The following MPDZ variants were observed in gnomAD, a reference collection of about 807,000 sequenced individuals.
MPDZ encodes the protein multiple PDZ domain crumbs cell polarity complex component.
Under a neutral mutation model 239.1 loss-of-function variants are expected in MPDZ, and 234 were observed. That is an observed-to-expected ratio of 0.98 (90% CI 0.88 to 1.09). The LOEUF (loss-of-function observed/expected upper bound fraction) is 1.09. MPDZ is among the 50% of genes least tolerant of loss of function. The pLI is 0.00. For synonymous variants in MPDZ, 1,048 were observed against 881.3 expected, an observed-to-expected ratio of 1.19 and a Z score of -3.35; for missense variants, 3,175 against 2,510.0, an observed-to-expected ratio of 1.26 and a Z score of -5.66.
chr9:13,214,295 A>G (rs1958006040), intron 10 of MPDZ, among the ~76,000 whole-genome samples: 1 of 152,050 alleles, frequency 6.6e-6, no homozygotes, highest in Non-Finnish European at 1.5e-5. Flanking sequence ...TGAAAGCATT[A>G]TGCTAAGTGA....
chr9:13,118,989 C>G (rs915300397), intron 39 of MPDZ, among the ~76,000 whole-genome samples: 1 of 152,168 alleles, frequency 6.6e-6, no homozygotes, highest in African/African-American at 2.4e-5. Context: ...AGATCTGCTT[C>G]TGATTTTAAA....
At chr9:13,260,101 CAAAG>C (rs796352270) in intron 1 of MPDZ, among the ~76,000 whole-genome samples, 2 of 152,066 alleles carry the variant, frequency 1.3e-5, no homozygotes, top group South Asian at 4.2e-4. Flanking sequence ...CTAGGCCTCC[CAAAG>C]AGCTGGGATT....
intron 32 of MPDZ, among the ~76,000 whole-genome samples, chr9:13,132,967 G>A (rs1946228983): frequency 2.6e-5 from 4 of 151,982 alleles, no homozygotes; most frequent in Admixed American, 2.6e-4. Context: ...AGCCTTAGAT[G>A]ATACATTAAA....
intron 11 of MPDZ, 86 bp from the exon 12 acceptor site, chr9:13,205,193 TC>T: frequency 1.5e-6 from 1 of 654,376 alleles, no homozygotes; most frequent in South Asian, 2.7e-5. Context: ...TTATTTGAAC[TC>T]CTACATGAGA....
intron 35 of MPDZ, 147 bp downstream of exon 35, chr9:13,125,069 T>C (rs894231896): frequency 1.6e-6 from 1 of 609,446 alleles, no homozygotes. Context: ...AAGTCCTCTC[T>C]TTATATCCTG....
chr9:13,159,767 C>A (rs113049257), intron 23 of MPDZ, among the ~76,000 whole-genome samples: 1 of 152,106 alleles, frequency 6.6e-6, no homozygotes, highest in Non-Finnish European at 1.5e-5. Context: ...GGACCCCAGT[C>A]TCTTCAGATG....
intron 1 of MPDZ, among the ~76,000 whole-genome samples, chr9:13,272,914 C>T (rs1973331709): frequency 6.6e-6 from 1 of 151,940 alleles, no homozygotes. Flanking sequence ...TGTTTATATT[C>T]CCCCCAAATT....
chr9:13,276,415 C>T (rs1974208522), intron 1 of MPDZ, among the ~76,000 whole-genome samples: 1 of 152,164 alleles, frequency 6.6e-6, no homozygotes, highest in Admixed American at 6.5e-5. Context: ...CTCTCCTATG[C>T]ATGACACTAA....
At chr9:13,253,102 G>A (rs966193275) in intron 1 of MPDZ, among the ~76,000 whole-genome samples, 6 of 152,100 alleles carry the variant, frequency 3.9e-5, no homozygotes, top group African/African-American at 1.2e-4. Flanking sequence ...TGAGAAGTCT[G>A]CAGAGAAAGT....
At chr9:13,121,657 T>A in intron 38 of MPDZ, 82 bp downstream of exon 38, 1 of 1,430,892 alleles carries the variant, frequency 7.0e-7, no homozygotes, top group Non-Finnish European at 9.8e-7. Flanking sequence ...GATAAAAGAT[T>A]CACCTACTGC....
intron 22 of MPDZ, among the ~76,000 whole-genome samples, chr9:13,167,106 C>G (rs1287900764): frequency 1.3e-5 from 2 of 152,084 alleles, no homozygotes; most frequent in Non-Finnish European, 2.9e-5. Flanking sequence ...TACATCTAAT[C>G]CACATAAACT....
At chr9:13,136,329 T>TTTTTTTTTTTTTTTTTTTTTG (rs1946771579) in intron 30 of MPDZ, 147 bp from the exon 31 acceptor site, 1 of 382,622 alleles carries the variant, frequency 2.6e-6, no homozygotes. Context: ...CGTTTTCTTT[T>TTTTTTTTTTTTTTTTTTTTTG]TTTTTTTTTT....
chr9:13,225,600 C>T (rs917687328), intron 3 of MPDZ, among the ~76,000 whole-genome samples: 1 of 151,880 alleles, frequency 6.6e-6, no homozygotes, highest in African/African-American at 2.4e-5. Flanking sequence ...TTTTACTGTA[C>T]CTTTTCTATA....
At chr9:13,277,647 C>A (rs1422257954) in intron 1 of MPDZ, among the ~76,000 whole-genome samples, 4 of 152,260 alleles carry the variant, frequency 2.6e-5, no homozygotes, top group Admixed American at 1.3e-4. Context: ...TCAATGCAAC[C>A]GCTGCCTCCC....
chr9:13,119,722 C>T (rs527559810), intron 38 of MPDZ, 73 bp from the exon 39 acceptor site: 53 of 1,573,834 alleles, frequency 3.4e-5, no homozygotes, highest in African/African-American at 5.4e-5. Context: ...TAAAAAGTTA[C>T]GTTTTTACCC....
chr9:13,118,795 C>T (rs1344539401), intron 39 of MPDZ, among the ~76,000 whole-genome samples: 1 of 152,124 alleles, frequency 6.6e-6, no homozygotes, highest in East Asian at 1.9e-4. Flanking sequence ...ACTGGTTCTG[C>T]CTTTCCAATC....
intron 17 of MPDZ, 85 bp from the exon 18 acceptor site, chr9:13,186,471 AGTGAGG>A (rs1954120756): frequency 3.2e-6 from 3 of 938,960 alleles, no homozygotes; most frequent in South Asian, 2.9e-5. Context: ...AGGTAGGAAA[AGTGAGG>A]GGGGCGAGAA....
chr9:13,183,983 A>G (rs555047018), intron 18 of MPDZ, among the ~76,000 whole-genome samples: 1 of 152,152 alleles, frequency 6.6e-6, no homozygotes, highest in Non-Finnish European at 1.5e-5. Flanking sequence ...CTGTTATTCA[A>G]TGAGGCAGCT....
chr9:13,253,578 T>C (rs1269282048), intron 1 of MPDZ, among the ~76,000 whole-genome samples: 1 of 152,210 alleles, frequency 6.6e-6, no homozygotes, highest in Non-Finnish European at 1.5e-5. Context: ...TTTCCCTTTT[T>C]GCCCATCTAA....
Sources: gnomAD v4.1 joint callset for allele counts (sites outside exome capture counted in the v4.1 genomes callset) on GRCh38, gnomAD v4.1.1 for gene constraint, MANE v1.5 for transcripts, NCBI Gene and HGNC (gene_info 2026-07-23, HGNC 2026-07-21) for gene names.